Variants in SZT2 observed in about 807,000 individuals in gnomAD.
The protein encoded by SZT2 is SZT2 subunit of KICSTOR complex.
A neutral mutation model predicts 404.2 loss-of-function variants in SZT2; 216 were observed. The observed-to-expected ratio is 0.53, with a 90% CI of 0.48 to 0.60. SZT2 has a LOEUF of 0.60. SZT2 is among the 20% of genes least tolerant of loss of function. The probability of loss-of-function intolerance (pLI) is 0.00; values close to 1 mark genes in which losing one functional copy is unlikely to be tolerated. For synonymous variants in SZT2, 1,693 were observed against 1,749.9 expected, an observed-to-expected ratio of 0.97 and a Z score of 0.81; for missense variants, 3,857 against 4,459.2, an observed-to-expected ratio of 0.86 and a Z score of 3.85.
At position 43,441,222 on chromosome 1, in the gene SZT2, A is replaced by G; in HGVS notation, c.7353A>G (p.Thr2451=). ...CACTGCATTGCCCCCAGAGTAAAAC[A>G]GAATGTGGGGATTTGGGTTCCCCCA... The part of the protein sequence containing the change: ...RRSFWDMLSK[T]ECGDLGSPKT... Residue 2451 remains threonine, a synonymous_variant, in exon 53 of 72, where the codon ACA becomes ACG. Transcript: ENST00000634258. This position sits in a 1 kb window ranked among gnomAD's most constrained non-coding sequence, Gnocchi z 4.8. The G allele has an allele frequency of 6.2e-7, 1 of 1,614,066 alleles. No individual in the cohort carries two copies. The highest frequency in any genetic ancestry group is 1.1e-5 in the South Asian group (1 of 91,072).
chr1:43,439,837 G>A lies in SZT2; in HGVS notation c.7043-44G>A. On this transcript the variant is annotated intron_variant, in intron 50 of 71. Coordinates refer to ENST00000634258, the MANE Select transcript of SZT2 (RefSeq NM_001365999.1). The surrounding 1 kb of genome is among the most constrained non-coding windows in gnomAD (Gnocchi z 4.2). ...GTGGGAGGTAAGGGTGGTGAGTAGA[G>A]TGGGATCTAGGGACACCCTCAAGTG... 1 of 1,564,572 alleles carries A rather than the reference G, an allele frequency of 6.4e-7. No individual in the cohort carries two copies. The highest frequency in any genetic ancestry group is 1.2e-5 in the South Asian group (1 of 82,010).
intron 14 of SZT2, 78 bp downstream of exon 14, chr1:43,422,961 C>A: frequency 6.7e-7 from 1 of 1,497,948 alleles, no homozygotes; most frequent in Non-Finnish European, 9.0e-7. Context: ...CCCCACAGGG[C>A]CAGGTCTAAT....
At chr1:43,399,758 G>A (rs190383743) in intron 1 of SZT2, among the ~76,000 whole-genome samples, 180 of 151,924 alleles carry the variant, frequency 1.2e-3, no homozygotes, top group Admixed American at 3.9e-3. Context: ...ATGGTGCCCG[G>A]CCACCAGAGG....
chr1:43,453,646 G>A lies in SZT2; in HGVS notation c.*3166G>A, dbSNP rs1163483145. The A allele has an allele frequency of 6.0e-6, 9 of 1,490,696 alleles. No homozygotes were observed. Among genetic ancestry groups the A allele is most frequent in the Middle Eastern group, 4.3e-4 (2 of 4,628 alleles). 92.3% of individuals were successfully genotyped at this position (1,490,696 alleles called of 1,614,324 possible). On this transcript the variant is annotated 3_prime_UTR_variant, in exon 72 of 72. Coordinates refer to ENST00000634258, the MANE Select transcript of SZT2 (RefSeq NM_001365999.1). ...CGCAGCCCCGCTTCTCGCGCGGCGC[G>A]CGCCAGCGCCTCAGGCGTCTCCGCG...
chr1:43,390,128 C>T (rs1269380871), intron 1 of SZT2, 133 bp downstream of exon 1: 1 of 1,075,100 alleles, frequency 9.3e-7, no homozygotes, highest in Middle Eastern at 3.3e-4. Context: ...CAGCCCAGCC[C>T]GGAAGGCCCG....
In SZT2 at chr1:43,425,620, C is replaced by T. The variant is rs755130899; in HGVS notation, c.2792C>T (p.Thr931Met). The change falls in exon 19 of 72, where the codon ACG becomes ATG. Residue 931 changes from threonine to methionine, a missense_variant. This residue lies in a region of SZT2 where 1,725 missense variants were observed against 1,881.0 expected (regional missense o/e 0.92). Coordinates refer to ENST00000634258, the MANE Select transcript of SZT2 (RefSeq NM_001365999.1). The surrounding 1 kb of genome is among the most constrained non-coding windows in gnomAD (Gnocchi z 4.3). The stretch of plus-strand genomic sequence containing the variant: ...ATCTGGAAGCACCTCCAGGACCTGA[C>T]GTATTCTGAGATCCCGCAAGCTGTG... ...PGIWKHLQDL[T>M]YSEIPQALHP... 1.8e-5 allele frequency: 29 copies of T among 1,614,088 alleles called. No homozygotes were observed. The highest frequency in any genetic ancestry group is 3.3e-5 in the Admixed American group (2 of 60,016).
chr1:43,408,361 T>C (rs956935212), intron 4 of SZT2, among the ~76,000 whole-genome samples: 8 of 152,128 alleles, frequency 5.3e-5, no homozygotes, highest in African/African-American at 1.9e-4. Flanking sequence ...ACTTCTGGGC[T>C]TAAGTGATCT....
chr1:43,391,491 A>G (rs1176520261), intron 1 of SZT2, among the ~76,000 whole-genome samples: 1 of 152,244 alleles, frequency 6.6e-6, no homozygotes, highest in Non-Finnish European at 1.5e-5. Context: ...GGTAAGACCC[A>G]ACATTGAATA....
rs562774200 is a variant in SZT2 at position 43,454,077 on chromosome 1, C to T, written c.*3597C>T. The T allele has an allele frequency of 9.7e-4, 1,083 of 1,115,094 alleles. 1 individual carries two copies. The highest frequency in any genetic ancestry group is 1.1e-3 in the Non-Finnish European group (1,010 of 914,038). 69.1% of individuals were successfully genotyped at this position (1,115,094 alleles called of 1,614,324 possible). The stretch of plus-strand genomic sequence containing the variant: ...AGGTAGGGAGGCCGAGCTCCAGGGC[C>T]TGAGAGCCGGACGCGAAGCAAGAGA... On this transcript the variant is annotated 3_prime_UTR_variant, in exon 72 of 72. Coordinates refer to ENST00000634258, the MANE Select transcript of SZT2 (RefSeq NM_001365999.1).
Position 43,453,252 on chromosome 1 carries a change from G to T in SZT2, c.*2772G>T. The T allele has an allele frequency of 1.5e-6, 1 of 665,074 alleles. No individual in the cohort carries two copies. The highest frequency in any genetic ancestry group is 2.6e-6 in the Non-Finnish European group (1 of 387,384). The allele number at this position is 665,074 out of a possible 1,614,324, so 41.2% of individuals were successfully genotyped here. On this transcript the variant is annotated 3_prime_UTR_variant, in exon 72 of 72. Coordinates refer to ENST00000634258, the MANE Select transcript of SZT2 (RefSeq NM_001365999.1). Reference sequence around the variant, plus strand: ...TAAAATACAAAAGGCAATTTACAAAGGACCAGGACCGCAGAGGCAGAGATA... The same window carrying T: ...TAAAATACAAAAGGCAATTTACAAATGACCAGGACCGCAGAGGCAGAGATA...
Position 43,420,723 on chromosome 1 carries a change from A to C in SZT2, c.1262-26A>C. 6.3e-7 allele frequency: 1 copy of C among 1,594,114 alleles called. No homozygotes were observed. The highest frequency in any genetic ancestry group is 8.5e-7 in the Non-Finnish European group (1 of 1,176,210). On this transcript the variant is annotated intron_variant, in intron 9 of 71. Transcript: ENST00000634258. The surrounding 1 kb of genome is among the most constrained non-coding windows in gnomAD (Gnocchi z 5.1). ...GGCCTAGAGTCCTATGCCTTCTCCTAACTGGCCCTTCCGCTTCTCCCTAAG... is the reference window on the plus strand; with the variant it reads ...GGCCTAGAGTCCTATGCCTTCTCCTCACTGGCCCTTCCGCTTCTCCCTAAG...
intron 11 of SZT2, 69 bp downstream of exon 11, chr1:43,421,372 G>T (rs1480763951): frequency 6.4e-7 from 1 of 1,565,516 alleles, no homozygotes; most frequent in South Asian, 1.2e-5. Context: ...TGGAGCCCAG[G>T]ACCACCACCT....
chr1:43,447,469 C>A, intron 66 of SZT2, 76 bp from the exon 67 acceptor site: 4 of 1,553,972 alleles, frequency 2.6e-6, no homozygotes, highest in Non-Finnish European at 3.5e-6. Flanking sequence ...TTAAAGACTC[C>A]CATCCCTGTG....
At chr1:43,418,240 G>A (rs1261922516) in intron 7 of SZT2, among the ~76,000 whole-genome samples, 4 of 152,142 alleles carry the variant, frequency 2.6e-5, no homozygotes, top group Non-Finnish European at 5.9e-5. Flanking sequence ...CAGGGTAAAG[G>A]AGTGTTGTGT....
chr1:43,415,864 T>C, intron 5 of SZT2, 96 bp from the exon 6 acceptor site: 1 of 1,416,822 alleles, frequency 7.1e-7, no homozygotes, highest in Non-Finnish European at 9.4e-7. Flanking sequence ...TCGGCCTGTC[T>C]GGCCTGAGAA....
At position 43,438,680 on chromosome 1, in the gene SZT2, C is replaced by G; in HGVS notation, c.6509-19C>G. 1 of 1,610,382 alleles carries G rather than the reference C, an allele frequency of 6.2e-7. No homozygotes were observed. Among genetic ancestry groups the G allele is most frequent in the Non-Finnish European group, 8.5e-7 (1 of 1,176,998 alleles). On this transcript the variant is annotated intron_variant, in intron 46 of 71. Coordinates refer to ENST00000634258, the MANE Select transcript of SZT2 (RefSeq NM_001365999.1). Reference sequence around the variant, plus strand: ...ATCCTCTACCAGTGTCCCCACCTTCCCACCATGGCTGTGTCAAGGTCCTGA... The same window carrying G: ...ATCCTCTACCAGTGTCCCCACCTTCGCACCATGGCTGTGTCAAGGTCCTGA...
In SZT2 at chr1:43,454,099, G is replaced by A. The variant is rs531562325; in HGVS notation, c.*3619G>A. 1.2e-5 allele frequency: 13 copies of A among 1,078,360 alleles called. No individual in the cohort carries two copies. In the South Asian group the frequency reaches 4.1e-4, roughly 34 times the overall value. 66.8% of individuals were successfully genotyped at this position (1,078,360 alleles called of 1,614,324 possible). A position where few individuals can be genotyped will look rare whatever the true frequency, so the allele number is the denominator to read the frequency against. Reference sequence around the variant, plus strand: ...GGCCTGAGAGCCGGACGCGAAGCAAGAGAGAGCTGGCTGCCCGAGGGCCCG... The same window carrying A: ...GGCCTGAGAGCCGGACGCGAAGCAAAAGAGAGCTGGCTGCCCGAGGGCCCG... On this transcript the variant is annotated 3_prime_UTR_variant, in exon 72 of 72. Coordinates refer to ENST00000634258, the MANE Select transcript of SZT2 (RefSeq NM_001365999.1).
At position 43,424,289 on chromosome 1, in the gene SZT2, G is replaced by T; in HGVS notation, c.2328G>T (p.Leu776Phe). The T allele has an allele frequency of 6.3e-7, 1 of 1,597,946 alleles. No homozygotes were observed. Among genetic ancestry groups the T allele is most frequent in the East Asian group, 2.2e-5 (1 of 44,882 alleles). The part of the protein sequence containing the change: ...LTLEPPGPLP[L>F]VSGRSASSSL... ...TGGAGCCACCAGGTCCACTGCCCTT[G>T]GTGTCAGGCCGCTCAGCCTCTTCTA... Residue 776 changes from leucine to phenylalanine, a missense_variant, in exon 16 of 72, where the codon TTG becomes TTT. Transcript: ENST00000634258. This position sits in a 1 kb window ranked among gnomAD's most constrained non-coding sequence, Gnocchi z 4.1.
At position 43,450,311 on chromosome 1, in the gene SZT2, G is replaced by C. The variant is rs1054280394; in HGVS notation, c.10156-26G>C. On this transcript the variant is annotated intron_variant, in intron 71 of 71. Transcript: ENST00000634258. This position sits in a 1 kb window ranked among gnomAD's most constrained non-coding sequence, Gnocchi z 4.3. ...CCCCACCCATGCCCTCCTCTCACCAGTGCATCCCCACCGTGTTCCCCACAG... is the reference window on the plus strand; with the variant it reads ...CCCCACCCATGCCCTCCTCTCACCACTGCATCCCCACCGTGTTCCCCACAG... 6.2e-7 allele frequency: 1 copy of C among 1,613,786 alleles called. No individual in the cohort carries two copies.
Sources: gnomAD v4.1 joint callset for allele counts (sites outside exome capture counted in the v4.1 genomes callset) on GRCh38, gnomAD v4.1.1 for gene constraint, gnomAD v4.1.1 regional missense constraint, Gnocchi (gnomAD v3.1) non-coding constraint, MANE v1.5 for transcripts, NCBI Gene and HGNC (gene_info 2026-07-23, HGNC 2026-07-21) for gene names.